The following PRKN variants were observed in gnomAD, a reference collection of about 807,000 sequenced individuals.
PRKN encodes the protein parkin RBR E3 ubiquitin protein ligase, also known as E3 ubiquitin-protein ligase parkin.
A neutral mutation model predicts 59.5 loss-of-function variants in PRKN; 56 were observed. The observed-to-expected ratio is 0.94, with a 90% confidence interval of 0.76 to 1.18. The LOEUF (loss-of-function observed/expected upper bound fraction) is 1.18. Ranked by LOEUF, PRKN falls within the 50% of genes most tolerant of loss-of-function variation. PRKN has a pLI of 0.00. For missense variants in PRKN, 657 were observed against 596.4 expected (o/e 1.10, Z -1.06); for synonymous variants, 250 against 222.1 (o/e 1.13, Z -1.12).
intron 7 of PRKN, among the ~76,000 whole-genome samples, chr6:161,676,588 C>T (rs554195386): frequency 1.3e-5 from 2 of 152,310 alleles, no homozygotes; most frequent in East Asian, 1.9e-4. Context: ...CTGTCTAGGG[C>T]TCCTTTTGTG....
At position 162,179,968 on chromosome 6, in the gene PRKN, C is replaced by CTGTGTGTGTGTGTGTGTGTG. The variant is rs61592555; in HGVS notation, c.534+21143_534+21162dup. 6.3e-3 allele frequency among the ~76,000 whole-genome samples: 886 copies of CTGTGTGTGTGTGTGTGTGTG among 139,720 alleles called. 11 individuals are homozygous for CTGTGTGTGTGTGTGTGTGTG. Among genetic ancestry groups the CTGTGTGTGTGTGTGTGTGTG allele is most frequent in the Middle Eastern group, 0.028 (7 of 254 alleles). 91.7% of individuals were successfully genotyped at this position (139,720 alleles called of 152,430 possible). On this transcript the variant is annotated intron_variant, in intron 4 of 11. Transcript: ENST00000366898. ...GACAGTGCTTTTTGTTATCTTATTA[C>CTGTGTGTGTGTGTGTGTGTG]TGTGTGTGTGTGTGTGTGTGTGTGT...
At chr6:162,669,737 T>C (rs905146075) in intron 1 of PRKN, among the ~76,000 whole-genome samples, 1 of 152,188 alleles carries the variant, frequency 6.6e-6, no homozygotes, top group Non-Finnish European at 1.5e-5. Context: ...CCTCTGGTAT[T>C]TGGCCCTCAG....
chr6:161,843,221 C>T lies in PRKN; in HGVS notation c.735-57313G>A, dbSNP rs531573659. Among the ~76,000 whole-genome samples, 357 of 152,246 alleles carry T rather than the reference C, an allele frequency of 2.3e-3. 3 individuals carry two copies. Among genetic ancestry groups the T allele is most frequent in the African/African-American group, 7.9e-3 (330 of 41,550 alleles). The stretch of plus-strand genomic sequence containing the variant: ...TATTATCCTGAAGCCGGGTCTACTC[C>T]GTGACTCTCCTTCTGAATAACAGCC... On this transcript the variant is annotated intron_variant, in intron 6 of 11. Transcript: ENST00000366898.
At position 162,378,787 on chromosome 6, in the gene PRKN, T is replaced by C. The variant is rs1786267422; in HGVS notation, c.171+64523A>G. Among the ~76,000 whole-genome samples, 6 of 152,212 alleles carry C rather than the reference T, an allele frequency of 3.9e-5. No individual in the cohort carries two copies. The South Asian group carries it at 1.2e-3, about 32-fold the overall frequency. On this transcript the variant is annotated intron_variant, in intron 2 of 11. Transcript: ENST00000366898. ...CTACTTAGGAAACTTATGCTCTGCA[T>C]ATTCTAAACCTGAAGGAGCCTCTAA...
intron 2 of PRKN, among the ~76,000 whole-genome samples, chr6:162,350,041 T>G (rs907236306): frequency 1.3e-5 from 2 of 152,178 alleles, no homozygotes; most frequent in African/African-American, 2.4e-5. Flanking sequence ...TAATTGTATT[T>G]CTACATACTA....
intron 1 of PRKN, among the ~76,000 whole-genome samples, chr6:162,657,482 A>G (rs1026419005): frequency 6.6e-6 from 1 of 152,142 alleles, no homozygotes; most frequent in African/African-American, 2.4e-5. Flanking sequence ...AATTCCAACA[A>G]TTACTAAATT....
At chr6:162,695,607 C>A (rs1374257424) in intron 1 of PRKN, among the ~76,000 whole-genome samples, 3 of 152,150 alleles carry the variant, frequency 2.0e-5, no homozygotes, top group Admixed American at 6.5e-5. Flanking sequence ...CTGTTCAACA[C>A]TATTTCTGAC....
chr6:162,427,986 A>G (rs572230807), intron 2 of PRKN, among the ~76,000 whole-genome samples: 6 of 152,114 alleles, frequency 3.9e-5, no homozygotes, highest in Non-Finnish European at 8.8e-5. Flanking sequence ...TAGTTGTAAT[A>G]TTTTTCTTAA....
At chr6:162,141,403 C>A (rs966881195) in intron 4 of PRKN, among the ~76,000 whole-genome samples, 1 of 152,010 alleles carries the variant, frequency 6.6e-6, no homozygotes. Flanking sequence ...TTTTGATAAA[C>A]CAAGTTAAAT....
chr6:161,723,153 A>G (rs1053690006), intron 7 of PRKN, among the ~76,000 whole-genome samples: 2 of 152,048 alleles, frequency 1.3e-5, no homozygotes, highest in Admixed American at 6.5e-5. Context: ...CTGTAATCCC[A>G]GCTTCTTGAG....
At chr6:161,716,957 T>A (rs1433642797) in intron 7 of PRKN, among the ~76,000 whole-genome samples, 3 of 152,102 alleles carry the variant, frequency 2.0e-5, no homozygotes, top group African/African-American at 4.8e-5. Context: ...CACACTGAAG[T>A]GTGGGCTGGT....
Position 161,576,196 on chromosome 6 carries a change from T to A in PRKN, c.872-6780A>T, listed in dbSNP as rs1281377129. ...GCAGCAGGACTTTACAGAATCAAGT[T>A]TAAAGCATTATCGTTTTCATAAATA... On this transcript the variant is annotated intron_variant, in intron 7 of 11. Coordinates refer to ENST00000366898, the MANE Select transcript of PRKN (RefSeq NM_004562.3). The surrounding 1 kb of genome is among the most constrained non-coding windows in gnomAD (Gnocchi z 4.6). 6.6e-6 allele frequency among the ~76,000 whole-genome samples: 1 copy of A among 152,216 alleles called. No individual in the cohort carries two copies. The highest frequency in any genetic ancestry group is 1.5e-5 in the Non-Finnish European group (1 of 68,034).
chr6:162,018,824 G>C (rs1415608933), intron 5 of PRKN, among the ~76,000 whole-genome samples: 2 of 152,126 alleles, frequency 1.3e-5, no homozygotes, highest in Admixed American at 1.3e-4. Flanking sequence ...ACTATGTAAT[G>C]ACTTTATGTT....
intron 1 of PRKN, among the ~76,000 whole-genome samples, chr6:162,630,673 T>C (rs2128222518): frequency 6.6e-6 from 1 of 152,258 alleles, no homozygotes; most frequent in Non-Finnish European, 1.5e-5. Context: ...TCCAGTCAAT[T>C]TCATAGAAAA....
At chr6:161,736,840 G>A (rs1787984916) in intron 7 of PRKN, among the ~76,000 whole-genome samples, 1 of 152,202 alleles carries the variant, frequency 6.6e-6, no homozygotes, top group Admixed American at 6.5e-5. Flanking sequence ...CCCAAAGTGG[G>A]AAGAAAGGTC....
At chr6:161,676,078 C>T (rs1444315138) in intron 7 of PRKN, among the ~76,000 whole-genome samples, 1 of 152,180 alleles carries the variant, frequency 6.6e-6, no homozygotes, top group African/African-American at 2.4e-5. Flanking sequence ...ACTACGATTC[C>T]TAAACAATTC....
At chr6:161,509,063 C>G (rs6914398) in intron 9 of PRKN, among the ~76,000 whole-genome samples, 48 of 152,170 alleles carry the variant, frequency 3.2e-4, no homozygotes, top group Non-Finnish European at 2.9e-5. Context: ...AGGCTAGTCT[C>G]GAACTCCTGA....
At chr6:161,563,838 AG>A (rs1250263547) in intron 8 of PRKN, among the ~76,000 whole-genome samples, 1 of 152,170 alleles carries the variant, frequency 6.6e-6, no homozygotes, top group East Asian at 1.9e-4. Flanking sequence ...TTTCTAAGTG[AG>A]TATTACGCTT....
Position 162,054,147 on chromosome 6 carries a change from T to C in PRKN, c.562A>G (p.Ile188Val), listed in dbSNP as rs199810018. 1 of 1,613,554 alleles carries C rather than the reference T, an allele frequency of 6.2e-7. No homozygotes were observed. Among genetic ancestry groups the C allele is most frequent in the Admixed American group, 1.7e-5 (1 of 60,010 alleles). ...QGPSCWDDVL[I>V]PNRMSGECQS... ...CATTCACCACTCATCCGGTTTGGAA[T>C]TAAAACATCATCCCAGCAAGATGGA... Residue 188 changes from isoleucine to valine, a missense_variant, in exon 5 of 12, where the codon ATT becomes GTT. Coordinates refer to ENST00000366898, the MANE Select transcript of PRKN (RefSeq NM_004562.3).
Sources: gnomAD v4.1 joint callset for allele counts (sites outside exome capture counted in the v4.1 genomes callset) on GRCh38, gnomAD v4.1.1 for gene constraint, Gnocchi (gnomAD v3.1) non-coding constraint, MANE v1.5 for transcripts, NCBI Gene and HGNC (gene_info 2026-07-23, HGNC 2026-07-21) for gene names.